Variants in MTUS2 observed in about 807,000 individuals in gnomAD.
The protein encoded by MTUS2 is microtubule-associated tumor suppressor candidate 2.
Under a neutral mutation model 114.1 loss-of-function variants are expected in MTUS2, and 40 were observed. The ratio of observed to expected loss-of-function variants is 0.35; its 90% CI spans 0.27 to 0.46. MTUS2 has a LOEUF of 0.46. Ranked by LOEUF, MTUS2 falls within the 20% of genes least tolerant of loss-of-function variation. The pLI is 1.00. For missense variants in MTUS2, 1,679 were observed against 1,705.4 expected, an observed-to-expected ratio of 0.98 and a Z score of 0.27; for synonymous variants, 688 against 672.0, an observed-to-expected ratio of 1.02 and a Z score of -0.37.
chr13:29,015,008 G>T (rs1886007405), intron 2 of MTUS2, among the ~76,000 whole-genome samples: 1 of 152,220 alleles, frequency 6.6e-6, no homozygotes, highest in African/African-American at 2.4e-5. Context: ...GGTGCACTGT[G>T]CTAGGGGAAA....
chr13:29,379,692 G>A (rs1566166456), intron 8 of MTUS2, among the ~76,000 whole-genome samples: 1 of 152,178 alleles, frequency 6.6e-6, no homozygotes, highest in African/African-American at 2.4e-5. Context: ...ACTCAGGGTG[G>A]AGAAGGAGAG....
At chr13:29,251,469 T>G (rs528533037) in intron 5 of MTUS2, among the ~76,000 whole-genome samples, 18 of 152,274 alleles carry the variant, frequency 1.2e-4, no homozygotes, top group African/African-American at 3.4e-4. Flanking sequence ...TACAGTACAG[T>G]AGCACTAAGT....
In MTUS2 at chr13:29,152,756, C is replaced by A. The variant is rs77785727; in HGVS notation, c.2644+51786C>A. ...CAAAGATGGAAAACACAAGCTTTTA[C>A]AATCTCATCTCAGAAGTGACATCCC... On this transcript the variant is annotated intron_variant, in intron 5 of 15. Transcript: ENST00000612955. 8.0e-3 allele frequency among the ~76,000 whole-genome samples: 1,219 copies of A among 152,028 alleles called. 12 individuals carry two copies. The highest frequency in any genetic ancestry group is 0.027 in the African/African-American group (1,140 of 41,476).
chr13:29,157,874 A>G (rs1022281074), intron 5 of MTUS2, among the ~76,000 whole-genome samples: 2 of 152,262 alleles, frequency 1.3e-5, no homozygotes, highest in Non-Finnish European at 2.9e-5. Flanking sequence ...CAAACAAGGT[A>G]GAAAAGCTCA....
intron 5 of MTUS2, among the ~76,000 whole-genome samples, chr13:29,253,664 G>A (rs575949482): frequency 5.9e-5 from 9 of 152,046 alleles, no homozygotes; most frequent in Admixed American, 5.2e-4. Context: ...GGAGGAGACC[G>A]TATTAGTCCA....
At chr13:28,944,809 C>A (rs138216928) in intron 2 of MTUS2, among the ~76,000 whole-genome samples, 10 of 152,274 alleles carry the variant, frequency 6.6e-5, no homozygotes, top group African/African-American at 2.4e-4. Flanking sequence ...ATAGGTACAT[C>A]CTTTTTCTCT....
chr13:29,007,440 C>T (rs1426098956), intron 2 of MTUS2, among the ~76,000 whole-genome samples: 1 of 152,192 alleles, frequency 6.6e-6, no homozygotes, highest in Non-Finnish European at 1.5e-5. Flanking sequence ...TTTATCTTTA[C>T]AGCAGGGGAG....
intron 8 of MTUS2, among the ~76,000 whole-genome samples, chr13:29,410,218 G>A (rs1339573986): frequency 6.6e-6 from 1 of 151,910 alleles, no homozygotes; most frequent in East Asian, 1.9e-4. Context: ...TCTGCCTCCT[G>A]GGTTCAAGCG....
At chr13:29,482,039 G>A (rs1881226639) in intron 10 of MTUS2, 1 of 152,140 alleles carries the variant, frequency 6.6e-6, no homozygotes, top group South Asian at 2.1e-4. Flanking sequence ...ATGAATACCA[G>A]CTTGTTCTGT....
At position 29,025,706 on chromosome 13, in the gene MTUS2, G is replaced by A; in HGVS notation, c.1008G>A (p.Lys336=). 6.2e-7 allele frequency: 1 copy of A among 1,614,034 alleles called. No individual in the cohort carries two copies. ...AAQEGYLGCH[K]EENLSALEGR... ...AGGAAGGGTATCTGGGATGCCACAAGGAAGAGAATCTGTCAGCCTTGGAGG... is the reference window on the plus strand; with the variant it reads ...AGGAAGGGTATCTGGGATGCCACAAAGAAGAGAATCTGTCAGCCTTGGAGG... The change falls in exon 3 of 16, where the codon AAG becomes AAA. Residue 336 remains lysine, a synonymous_variant. Coordinates refer to ENST00000612955, the MANE Select transcript of MTUS2 (RefSeq NM_001033602.4).
At chr13:29,094,847 T>C (rs1323592525) in intron 4 of MTUS2, among the ~76,000 whole-genome samples, 1 of 152,112 alleles carries the variant, frequency 6.6e-6, no homozygotes, top group Non-Finnish European at 1.5e-5. Context: ...AGCATTGCTT[T>C]AGCTGCTTCC....
At chr13:29,406,295 G>A (rs949948687) in intron 8 of MTUS2, among the ~76,000 whole-genome samples, 2 of 152,190 alleles carry the variant, frequency 1.3e-5, no homozygotes, top group Non-Finnish European at 1.5e-5. Context: ...GACTTAGCCA[G>A]TAGAAGCTGG....
chr13:29,442,028 T>C (rs1477395080), intron 9 of MTUS2, among the ~76,000 whole-genome samples: 1 of 151,976 alleles, frequency 6.6e-6, no homozygotes, highest in Non-Finnish European at 1.5e-5. Flanking sequence ...AAAGAACAGG[T>C]TTCACCTCTG....
chr13:28,881,151 A>C (rs1462896359), intron 2 of MTUS2, among the ~76,000 whole-genome samples: 1 of 152,142 alleles, frequency 6.6e-6, no homozygotes, highest in Admixed American at 6.6e-5. Flanking sequence ...GGAGACCCCC[A>C]GTGTCTATCG....
Sources: allele counts gnomAD v4.1 joint callset (sites outside exome capture counted in the v4.1 genomes callset), GRCh38; gene constraint gnomAD v4.1.1; transcripts MANE v1.5; gene names NCBI Gene and HGNC (gene_info 2026-07-23, HGNC 2026-07-21).